The following KLHL2 variants were observed in gnomAD, a reference collection of about 807,000 sequenced individuals.
The protein encoded by KLHL2 is kelch-like protein 2.
Under a neutral mutation model 75.8 loss-of-function variants are expected in KLHL2, and 15 were observed. That is an observed-to-expected ratio of 0.20 (90% confidence interval 0.13 to 0.30). The LOEUF (loss-of-function observed/expected upper bound fraction) is 0.30. Among genes scored for constraint, KLHL2 ranks in the 10% least tolerant of loss-of-function variants. KLHL2 has a pLI of 1.00. For synonymous variants in KLHL2, 214 were observed against 251.9 expected (o/e 0.85, Z 1.42); for missense variants, 381 against 741.0 (o/e 0.51, Z 5.64).
intron 3 of KLHL2, among the ~76,000 whole-genome samples, chr4:165,233,279 A>G (rs1739060071): frequency 6.6e-6 from 1 of 152,246 alleles, no homozygotes; most frequent in African/African-American, 2.4e-5. Context: ...CTGTTACTTA[A>G]GAAAGAACAT....
intron 4 of KLHL2, among the ~76,000 whole-genome samples, chr4:165,254,190 A>G (rs1274282789): frequency 1.3e-5 from 2 of 152,236 alleles, no homozygotes; most frequent in Non-Finnish European, 2.9e-5. Context: ...ATATGATGAT[A>G]GGTTAAAGCT....
chr4:165,305,998 G>A (rs939001219), intron 9 of KLHL2, among the ~76,000 whole-genome samples: 8 of 152,200 alleles, frequency 5.3e-5, no homozygotes, highest in East Asian at 1.9e-4. Context: ...TTTGCCTGAA[G>A]TGTTGAGAGG....
At chr4:165,278,630 A>G (rs958464241) in intron 5 of KLHL2, 8 of 1,591,488 alleles carry the variant, frequency 5.0e-6, no homozygotes, top group Non-Finnish European at 6.0e-6. Flanking sequence ...TGAGGTCTTT[A>G]TAATTCCAAG....
At chr4:165,261,836 T>C (rs1031978074) in intron 4 of KLHL2, among the ~76,000 whole-genome samples, 2 of 152,230 alleles carry the variant, frequency 1.3e-5, no homozygotes, top group Non-Finnish European at 2.9e-5. Context: ...TCATAACATA[T>C]AGTCATAAAC....
intron 3 of KLHL2, among the ~76,000 whole-genome samples, chr4:165,237,550 C>T (rs572138994): frequency 9.3e-4 from 141 of 152,014 alleles, no homozygotes; most frequent in African/African-American, 3.3e-3. Flanking sequence ...TGTTATTTCT[C>T]TTCTCCCAGG....
chr4:165,288,870 G>A (rs1352441180), intron 5 of KLHL2, among the ~76,000 whole-genome samples: 1 of 149,768 alleles, frequency 6.7e-6, no homozygotes, highest in African/African-American at 2.5e-5. Context: ...ATGGTTTTGT[G>A]GCTTGAGGCC....
chr4:165,297,360 A>G (rs776013776), intron 6 of KLHL2, among the ~76,000 whole-genome samples: 1 of 152,146 alleles, frequency 6.6e-6, no homozygotes, highest in East Asian at 1.9e-4. Flanking sequence ...ATAAGGATAC[A>G]TGATTTTCAT....
chr4:165,294,378 T>C lies in KLHL2; in HGVS notation c.564T>C (p.Val188=), dbSNP rs1207045118. 6.2e-7 allele frequency: 1 copy of C among 1,607,816 alleles called. No homozygotes were observed. Among genetic ancestry groups the C allele is most frequent in the Non-Finnish European group, 8.5e-7 (1 of 1,174,582 alleles). ...NTYAEQHFAD[V]VLSEEFLNLG... ...AAACAGAGCAACATTTTGCAGATGT[T>C]GTACTTAGTGAAGAATTTCTCAATC... The change falls in exon 6 of 15, where the codon GTT becomes GTC. Residue 188 remains valine, a synonymous_variant. Transcript: ENST00000226725.
Position 165,319,244 on chromosome 4 carries a change from T to G in KLHL2, c.1753+1275T>G, listed in dbSNP as rs1746798015. Among the ~76,000 whole-genome samples the G allele has an allele frequency of 6.6e-6, 1 of 152,202 alleles. No homozygotes were observed. Among genetic ancestry groups the G allele is most frequent in the Admixed American group, 6.5e-5 (1 of 15,284 alleles). ...CAGTTTGTCTCTTCAGCGATGCGTA[T>G]CTCAGTAAAAAGTTCTCTCTCATGG... On this transcript the variant is annotated intron_variant, in intron 14 of 14. Transcript: ENST00000226725. The surrounding 1 kb of genome is among the most constrained non-coding windows in gnomAD (Gnocchi z 4.5).
At chr4:165,290,233 C>T (rs1310980274) in intron 5 of KLHL2, among the ~76,000 whole-genome samples, 1 of 151,854 alleles carries the variant, frequency 6.6e-6, no homozygotes, top group African/African-American at 2.4e-5. Context: ...GCCTTGACCT[C>T]CTGGGCACAG....
chr4:165,298,063 T>C (rs1256536961), intron 7 of KLHL2, among the ~76,000 whole-genome samples: 1 of 152,214 alleles, frequency 6.6e-6, no homozygotes, highest in Non-Finnish European at 1.5e-5. Flanking sequence ...CCTCAAGTGA[T>C]CTACCCGCCT....
Position 165,310,846 on chromosome 4 carries a change from G to GTT in KLHL2, c.1237+101_1237+102dup, listed in dbSNP as rs1560829206. The GTT allele has an allele frequency of 4.8e-4, 401 of 832,456 alleles. No homozygotes were observed. The African/African-American group carries it at 6.6e-3, about 14-fold the overall frequency. The allele number at this position is 832,456 out of a possible 1,614,324, so 51.6% of individuals were successfully genotyped here. A position where few individuals can be genotyped will look rare whatever the true frequency, so the allele number is the denominator to read the frequency against. ...GTGGCAACATTAGGGCACATGTGAGGTTTTTTGTGTTTTTTTTTTTTTTTT... is the reference window on the plus strand; with the variant it reads ...GTGGCAACATTAGGGCACATGTGAGGTTTTTTTTGTGTTTTTTTTTTTTTTTT... On this transcript the variant is annotated intron_variant, in intron 10 of 14. Coordinates refer to ENST00000226725, the MANE Select transcript of KLHL2 (RefSeq NM_007246.4).
At chr4:165,321,149 C>CA (rs1178417882) in intron 14 of KLHL2, among the ~76,000 whole-genome samples, 1 of 152,058 alleles carries the variant, frequency 6.6e-6, no homozygotes, top group Non-Finnish European at 1.5e-5. Flanking sequence ...ATGAAAAAAA[C>CA]AAAAAAGTCA....
intron 5 of KLHL2, among the ~76,000 whole-genome samples, chr4:165,274,162 A>G (rs1742894854): frequency 6.6e-6 from 1 of 152,200 alleles, no homozygotes. Context: ...AAGGGAAGAA[A>G]TAAATAGCAA....
chr4:165,222,259 A>G (rs939061433), intron 2 of KLHL2, among the ~76,000 whole-genome samples: 10 of 152,148 alleles, frequency 6.6e-5, no homozygotes, highest in African/African-American at 1.9e-4. Context: ...GATGGTGTCT[A>G]AGGTTCAGTG....
chr4:165,290,060 T>G (rs1028932625), intron 5 of KLHL2, among the ~76,000 whole-genome samples: 4 of 152,218 alleles, frequency 2.6e-5, no homozygotes, highest in African/African-American at 9.6e-5. Flanking sequence ...ATTTCCAAGT[T>G]GGTATTCATA....
chr4:165,209,199 C>T (rs2110924919), intron 1 of KLHL2, among the ~76,000 whole-genome samples: 1 of 152,228 alleles, frequency 6.6e-6, no homozygotes, highest in Middle Eastern at 3.4e-3. Flanking sequence ...CTTCAGCAGG[C>T]TGGAGGAAGG....
chr4:165,214,586 T>G (rs181587681), intron 1 of KLHL2, among the ~76,000 whole-genome samples: 1,645 of 152,242 alleles, frequency 0.011, 22 homozygotes, highest in African/African-American at 0.035. Flanking sequence ...TCCATCCACC[T>G]CAGACATCCC....
At chr4:165,310,880 A>T (rs1579181013) in intron 10 of KLHL2, 130 bp downstream of exon 10, 1 of 678,036 alleles carries the variant, frequency 1.5e-6, no homozygotes. Flanking sequence ...TTTGAGATGG[A>T]GTCTTGCTCC....
Sources: allele counts gnomAD v4.1 joint callset (sites outside exome capture counted in the v4.1 genomes callset), GRCh38; gene constraint gnomAD v4.1.1; non-coding constraint Gnocchi (gnomAD v3.1); transcripts MANE v1.5; gene names NCBI Gene and HGNC (gene_info 2026-07-23, HGNC 2026-07-21).